The following SLC17A1 variants were observed in gnomAD, a reference collection of about 807,000 sequenced individuals.
SLC17A1 encodes the protein solute carrier family 17 member 1, also known as sodium-dependent phosphate transport protein 1.
A neutral mutation model predicts 53.5 loss-of-function variants in SLC17A1; 51 were observed. The observed-to-expected ratio is 0.95, with a 90% CI of 0.76 to 1.20. The LOEUF is 1.20. Ranked by LOEUF, SLC17A1 falls within the 50% of genes most tolerant of loss-of-function variation. The pLI is 0.00. For missense variants in SLC17A1, 538 were observed against 568.2 expected (o/e 0.95, Z 0.54); for synonymous variants, 179 against 198.8 (o/e 0.90, Z 0.84).
At chr6:25,798,672 C>T (rs1763660410) in intron 12 of SLC17A1, 111 bp downstream of exon 12, 5 of 994,432 alleles carry the variant, frequency 5.0e-6, no homozygotes, top group African/African-American at 1.6e-5. Flanking sequence ...ATGGTCTCCT[C>T]TTCTCCAAAC....
chr6:25,747,012 C>T, the SLC17A1 span, among the ~76,000 whole-genome samples: 3 of 152,120 alleles, frequency 2.0e-5, no homozygotes, highest in Non-Finnish European at 2.9e-5. Flanking sequence ...TCACAGTATG[C>T]TAAAAAGTAT....
intron 2 of SLC17A1, among the ~76,000 whole-genome samples, chr6:25,828,493 G>C (rs1052159176): frequency 6.6e-6 from 1 of 151,948 alleles, no homozygotes; most frequent in African/African-American, 2.4e-5. Context: ...TTTGTGTGGA[G>C]TGACATGTAT....
At chr6:25,726,061 G>A in the SLC17A1 span, 1,095 of 1,357,364 alleles carry the variant, frequency 8.1e-4, 10 homozygotes, top group South Asian at 9.0e-3. Flanking sequence ...TTTCTGAGAC[G>A]GTAGGTGGCT....
Position 25,812,847 on chromosome 6 carries a change from T to A in SLC17A1, c.881A>T (p.His294Leu), listed in dbSNP as rs779347399. ...YTPMFINSMLHVNIKENGFLS... is the reference protein window; with the variant it reads ...YTPMFINSMLLVNIKENGFLS... ...TATACTTACCTCTTTTATATTAACA[T>A]GAAGCATGGAGTTGATAAACATTGG... Residue 294 changes from histidine to leucine, a missense_variant, in exon 8 of 13, where the codon CAT (histidine) becomes CTT (leucine). By Grantham distance (99) the His-to-Leu change is moderately conservative. Transcript: ENST00000244527. The A allele has an allele frequency of 3.9e-5, 63 of 1,607,860 alleles. No individual in the cohort carries two copies. Among genetic ancestry groups the A allele is most frequent in the African/African-American group, 3.1e-4 (23 of 74,526 alleles).
chr6:25,769,574 A>C, the SLC17A1 span, among the ~76,000 whole-genome samples: 1 of 151,922 alleles, frequency 6.6e-6, no homozygotes, highest in Admixed American at 6.6e-5. Flanking sequence ...AAAAAAAAGA[A>C]AGAAAGAAAG....
At chr6:25,820,852 C>T (rs1764531967) in intron 3 of SLC17A1, among the ~76,000 whole-genome samples, 1 of 145,438 alleles carries the variant, frequency 6.9e-6, no homozygotes, top group Non-Finnish European at 1.5e-5. Flanking sequence ...TGACCAAGAT[C>T]GCGCCACTGC....
chr6:25,726,059 A>C, the SLC17A1 span: 67 of 1,352,066 alleles, frequency 5.0e-5, no homozygotes, highest in African/African-American at 8.6e-4. Flanking sequence ...TTTTTCTGAG[A>C]CGGTAGGTGG....
chr6:25,817,568 AT>A (rs36013569), intron 6 of SLC17A1, among the ~76,000 whole-genome samples: 10,409 of 152,242 alleles, frequency 0.068, 389 homozygotes, highest in Non-Finnish European at 0.087. Context: ...GAAACCACCC[AT>A]GATAACTGTA....
Position 25,819,048 on chromosome 6 carries a change from T to A in SLC17A1, c.616+20A>T, listed in dbSNP as rs769260921. 6.6e-7 allele frequency: 1 copy of A among 1,526,526 alleles called. No individual in the cohort carries two copies. The highest frequency in any genetic ancestry group is 1.3e-5 in the South Asian group (1 of 79,940). The allele number at this position is 1,526,526 out of a possible 1,614,324, so 94.6% of individuals were successfully genotyped here. A position where few individuals can be genotyped will look rare whatever the true frequency, so the allele number is the denominator to read the frequency against. ...TTTAGATTCTGAATAATAACTAGGA[T>A]TTTACAGAAAGAGACTCACCAAAAA... On this transcript the variant is annotated intron_variant, in intron 6 of 12. Transcript: ENST00000244527.
the SLC17A1 span, among the ~76,000 whole-genome samples, chr6:25,743,645 A>G: frequency 6.6e-6 from 1 of 151,886 alleles, no homozygotes; most frequent in Non-Finnish European, 1.5e-5. Context: ...CTATATTGTG[A>G]AAGTACATGA....
In SLC17A1 at chr6:25,800,942, C is replaced by G. The variant is rs921360008; in HGVS notation, c.1217G>C (p.Gly406Ala). ...GGAAGCAATTAGTCCTCCTATCATT[C>G]CAGTTAAAGTTGAACATGCTTTAAT... is the stretch of plus-strand genomic sequence containing the variant. Reference protein sequence around the residue: ...GFIKACSTLTGMIGGLIASTL... With the variant: ...GFIKACSTLTAMIGGLIASTL... The change falls in exon 11 of 13, where the codon GGA becomes GCA. Residue 406 changes from glycine (G) to alanine (A), a missense_variant. By Grantham distance (60) the Gly-to-Ala change is moderately conservative. Coordinates refer to ENST00000244527, the MANE Select transcript of SLC17A1 (RefSeq NM_005074.5). 2.5e-6 allele frequency: 4 copies of G among 1,609,744 alleles called. No individual in the cohort carries two copies. In the African/African-American group the frequency reaches 4.0e-5, roughly 16 times the overall value.
At chr6:25,786,744 TC>T (rs1763391260) in intron 12 of SLC17A1, among the ~76,000 whole-genome samples, 2 of 152,006 alleles carry the variant, frequency 1.3e-5, no homozygotes, top group African/African-American at 4.8e-5. Flanking sequence ...CATGCCTGCT[TC>T]CCCTCCTTTC....
In SLC17A1 at chr6:25,830,561, C is replaced by T. The variant is rs568914713; in HGVS notation, c.-4G>A. On this transcript the variant is annotated 5_prime_UTR_variant, in exon 2 of 13. The change creates a new upstream start codon in the 5' untranslated region. Coordinates refer to ENST00000244527, the MANE Select transcript of SLC17A1 (RefSeq NM_005074.5). ...GCAACCGGTTATCCATTTGCATACA[C>T]GGCTGAAGTTGCTTCTCTTCTTGCT... 2.7e-5 allele frequency: 43 copies of T among 1,613,858 alleles called. No individual in the cohort carries two copies. In the African/African-American group the frequency reaches 3.1e-4, roughly 12 times the overall value.
At chr6:25,751,963 C>T in the SLC17A1 span, among the ~76,000 whole-genome samples, 1 of 152,178 alleles carries the variant, frequency 6.6e-6, no homozygotes, top group Non-Finnish European at 1.5e-5. Flanking sequence ...GTTTTTGTTC[C>T]TATATGCCTT....
At chr6:25,759,761 A>C in the SLC17A1 span, among the ~76,000 whole-genome samples, 1 of 151,668 alleles carries the variant, frequency 6.6e-6, no homozygotes, top group East Asian at 1.9e-4. Context: ...GTTTATGTGA[A>C]TCCTTAGATG....
chr6:25,785,928 G>A (rs1475481434), intron 12 of SLC17A1, among the ~76,000 whole-genome samples: 1 of 152,114 alleles, frequency 6.6e-6, no homozygotes, highest in East Asian at 1.9e-4. Context: ...CCCTCAAAAC[G>A]TTAAACCTAG....
chr6:25,750,336 A>C, the SLC17A1 span, among the ~76,000 whole-genome samples: 1 of 152,336 alleles, frequency 6.6e-6, no homozygotes, highest in Non-Finnish European at 1.5e-5. Context: ...ACTATTGACT[A>C]TATTTCACAA....
At chr6:25,770,286 C>A in the SLC17A1 span, 14 of 1,613,964 alleles carry the variant, frequency 8.7e-6, no homozygotes, top group Non-Finnish European at 1.2e-5. Context: ...CCGGATTGTA[C>A]AAGGCATAGC....
At chr6:25,732,061 T>G in the SLC17A1 span, 4 of 1,250,610 alleles carry the variant, frequency 3.2e-6, no homozygotes, top group East Asian at 1.1e-4. Flanking sequence ...TAGCTCTCTT[T>G]GCGGCATCTC....
Sources: gnomAD v4.1 joint callset for allele counts (sites outside exome capture counted in the v4.1 genomes callset) on GRCh38, gnomAD v4.1.1 for gene constraint, MANE v1.5 for transcripts, NCBI Gene and HGNC (gene_info 2026-07-23, HGNC 2026-07-21) for gene names.